ASPHD1: variants seen among roughly 807,000 people sequenced by gnomAD.
ASPHD1 encodes the protein aspartate beta-hydroxylase domain-containing protein 1.
In ASPHD1, 20 loss-of-function variants were observed where a neutral mutation model predicts 28.3. That is an observed-to-expected ratio of 0.71 (90% CI 0.50 to 1.03). The LOEUF is 1.03. ASPHD1 is among the 50% of genes least tolerant of loss of function. The pLI is 0.00. For synonymous variants in ASPHD1, 240 were observed against 221.2 expected, an observed-to-expected ratio of 1.08 and a Z score of -0.75; for missense variants, 479 against 524.1, an observed-to-expected ratio of 0.91 and a Z score of 0.84.
rs1450716930 is a variant in ASPHD1, at chr16:29,901,370, T to TGGGGATCCC, written c.405_413dup (p.Asp135_Gly137dup). ...CCGGCGGGCCAAGCCCAGGGGGTCCTGGGGATCCCGGGGAAGGACCTAGGA... is the reference window on the plus strand; with the variant it reads ...CCGGCGGGCCAAGCCCAGGGGGTCCTGGGGATCCCGGGGATCCCGGGGAAGGACCTAGGA... On this transcript the variant is annotated inframe_insertion, in exon 1 of 3. Coordinates refer to ENST00000308748, the MANE Select transcript of ASPHD1 (RefSeq NM_181718.4). This position sits in a 1 kb window ranked among gnomAD's most constrained non-coding sequence, Gnocchi z 5.1. 1 of 1,593,340 alleles carries TGGGGATCCC rather than the reference T, an allele frequency of 6.3e-7. No individual in the cohort carries two copies. Among genetic ancestry groups the TGGGGATCCC allele is most frequent in the Admixed American group, 1.8e-5 (1 of 56,490 alleles).
In ASPHD1 at chr16:29,906,007, T is replaced by TG; in HGVS notation, c.*113dup. ...TGCGGGGGTGGGCGGGGGCGGAGGA[T>TG]GGGAACTGGCTAGTGAGCACTGAAA... is the stretch of plus-strand genomic sequence containing the variant. On this transcript the variant is annotated 3_prime_UTR_variant, in exon 3 of 3. Transcript: ENST00000308748. 4.1e-6 allele frequency: 2 copies of TG among 488,886 alleles called. No individual in the cohort carries two copies. Among genetic ancestry groups the TG allele is most frequent in the Non-Finnish European group, 7.5e-6 (2 of 266,804 alleles). 30.3% of individuals were successfully genotyped at this position (488,886 alleles called of 1,614,324 possible). A position where few individuals can be genotyped will look rare whatever the true frequency, so the allele number is the denominator to read the frequency against.
In ASPHD1 at chr16:29,901,745, C is replaced by T. The variant is rs2068551885; in HGVS notation, c.774C>T (p.Gly258=). 2 of 1,552,618 alleles carry T rather than the reference C, an allele frequency of 1.3e-6. No homozygotes were observed. The highest frequency in any genetic ancestry group is 2.4e-5 in the South Asian group (2 of 82,346). Residue 258 remains glycine, a synonymous_variant, in exon 1 of 3, where the codon GGC becomes GGT. Transcript: ENST00000308748. This position sits in a 1 kb window ranked among gnomAD's most constrained non-coding sequence, Gnocchi z 5.1. ...GCYQLLLYQA[G]RCQPSNCRRC... is the part of the protein sequence containing the mutation. ...ACCAGCTCCTGCTGTACCAAGCAGGCCGGTGCCAACCCAGCAACTGCCGCC... is the reference window on the plus strand; with the variant it reads ...ACCAGCTCCTGCTGTACCAAGCAGGTCGGTGCCAACCCAGCAACTGCCGCC...
Position 29,901,931 on chromosome 16 carries a change from G to A in ASPHD1, c.949+11G>A. 1 of 1,462,644 alleles carries A rather than the reference G, an allele frequency of 6.8e-7. No homozygotes were observed. The highest frequency in any genetic ancestry group is 1.4e-5 in the South Asian group (1 of 69,318). The allele number at this position is 1,462,644 out of a possible 1,614,324, so 90.6% of individuals were successfully genotyped here. Reference sequence around the variant, plus strand: ...TCAGATGCCATCTGGGTAAGTAGCTGCCGCCTACTGACAACCTCCTTGCCT... The same window carrying A: ...TCAGATGCCATCTGGGTAAGTAGCTACCGCCTACTGACAACCTCCTTGCCT... On this transcript the variant is annotated intron_variant, in intron 1 of 2. Coordinates refer to ENST00000308748, the MANE Select transcript of ASPHD1 (RefSeq NM_181718.4). The surrounding 1 kb of genome is among the most constrained non-coding windows in gnomAD (Gnocchi z 5.1).
chr16:29,910,825 T>C (rs961891614), downstream of ASPHD1, among the ~76,000 whole-genome samples: 2 of 152,068 alleles, frequency 1.3e-5, no homozygotes, highest in African/African-American at 4.8e-5. Flanking sequence ...CCCACAGGGA[T>C]AGGGTGGCTT....
In ASPHD1 at chr16:29,901,966, C is replaced by G. The variant is rs750414115; in HGVS notation, c.949+46C>G. On this transcript the variant is annotated intron_variant, in intron 1 of 2. Coordinates refer to ENST00000308748, the MANE Select transcript of ASPHD1 (RefSeq NM_181718.4). This position sits in a 1 kb window ranked among gnomAD's most constrained non-coding sequence, Gnocchi z 5.1. Reference sequence around the variant, plus strand: ...GACAACCTCCTTGCCTCGATGATTTCCCCCCCAGACCCTTCTCTCCGCCAG... The same window carrying G: ...GACAACCTCCTTGCCTCGATGATTTGCCCCCCAGACCCTTCTCTCCGCCAG... 4 of 1,352,044 alleles carry G rather than the reference C, an allele frequency of 3.0e-6. No homozygotes were observed. In the African/African-American group the frequency reaches 6.1e-5, roughly 20 times the overall value. The allele number at this position is 1,352,044 out of a possible 1,614,324, so 83.8% of individuals were successfully genotyped here. A position where few individuals can be genotyped will look rare whatever the true frequency, so the allele number is the denominator to read the frequency against.
chr16:29,909,265 A>T (rs1373385067), downstream of ASPHD1, among the ~76,000 whole-genome samples: 4 of 152,170 alleles, frequency 2.6e-5, no homozygotes, highest in Admixed American at 6.6e-5. Context: ...GCTGGATTGA[A>T]AGTTCATGAG....
At chr16:29,902,135 C>T (rs920361007) in intron 1 of ASPHD1, among the ~76,000 whole-genome samples, 9 of 152,182 alleles carry the variant, frequency 5.9e-5, no homozygotes, top group Non-Finnish European at 5.9e-5. Flanking sequence ...TACTGCGTTT[C>T]TTCACCTTGG....
chr16:29,909,688 C>CTT (rs760949977), downstream of ASPHD1, among the ~76,000 whole-genome samples: 2 of 142,958 alleles, frequency 1.4e-5, no homozygotes. Flanking sequence ...CTGAGTTTCC[C>CTT]TTTTTTTTTT....
At position 29,901,062 on chromosome 16, in the gene ASPHD1, C is replaced by T; in HGVS notation, c.91C>T (p.Pro31Ser). The change falls in exon 1 of 3, where the codon CCA becomes TCA. Residue 31 changes from proline (P) to serine (S), a missense_variant. By Grantham distance (74) the Pro-to-Ser change is moderately conservative (BLOSUM62 -1). Transcript: ENST00000308748. This position sits in a 1 kb window ranked among gnomAD's most constrained non-coding sequence, Gnocchi z 5.1. ...AQSGMWKGNS[P>S]AGSQGAAMEG... The stretch of plus-strand genomic sequence containing the variant: ...GAGTGGAATGTGGAAGGGAAACAGT[C>T]CAGCGGGGAGCCAGGGGGCAGCCAT... 1 of 1,606,860 alleles carries T rather than the reference C, an allele frequency of 6.2e-7. No individual in the cohort carries two copies.
At chr16:29,908,394 T>C (rs996115459), downstream of ASPHD1, among the ~76,000 whole-genome samples, 1 of 152,090 alleles carries the variant, frequency 6.6e-6, no homozygotes, top group Admixed American at 6.6e-5. Flanking sequence ...TTATTTTTTA[T>C]TTTTTCCTGA....
downstream of ASPHD1, chr16:29,906,084 G>A (rs2068607841): frequency 2.0e-6 from 1 of 492,310 alleles, no homozygotes; most frequent in African/African-American, 2.0e-5. Context: ...CGCAGGGAGA[G>A]GCTGGGGCAG....
intron 1 of ASPHD1, among the ~76,000 whole-genome samples, chr16:29,902,480 T>C (rs1320161340): frequency 6.6e-6 from 1 of 152,246 alleles, no homozygotes; most frequent in East Asian, 1.9e-4. Flanking sequence ...ACATTCTAGT[T>C]AAGTGCTCTA....
chr16:29,905,676 A>T, intron 2 of ASPHD1, 112 bp from the exon 3 acceptor site: 1 of 521,800 alleles, frequency 1.9e-6, no homozygotes, highest in South Asian at 2.4e-5. Context: ...TTAAAGGGTT[A>T]GAACAAGGCC....
At chr16:29,911,790 C>T (rs745915874) in intron 3 of ASPHD1, 3 of 1,611,644 alleles carry the variant, frequency 1.9e-6, no homozygotes, top group East Asian at 4.5e-5. Context: ...GGGTCCCGCC[C>T]AGTGCCCCGC....
At chr16:29,906,750 T>C, downstream of ASPHD1, 1 of 775,350 alleles carries the variant, frequency 1.3e-6, no homozygotes, top group East Asian at 2.7e-5. Flanking sequence ...TGCCATGCAA[T>C]GAAGGGACAG....
At chr16:29,904,378 G>A (rs1034346134) in intron 1 of ASPHD1, among the ~76,000 whole-genome samples, 3 of 151,526 alleles carry the variant, frequency 2.0e-5, no homozygotes, top group Non-Finnish European at 4.4e-5. Context: ...CCTGGGAGGC[G>A]GAGGTTGCAG....
intron 3 of ASPHD1, chr16:29,912,158 C>T (rs986871090): frequency 1.1e-5 from 8 of 738,888 alleles, no homozygotes; most frequent in African/African-American, 7.1e-5. Context: ...CTCAGTGGTC[C>T]GCAGGGCTCT....
Position 29,905,004 on chromosome 16 carries a change from C to T in ASPHD1, c.1063+39C>T. 2.0e-6 allele frequency: 3 copies of T among 1,499,278 alleles called. No individual in the cohort carries two copies. The South Asian group carries it at 3.4e-5, about 17-fold the overall frequency. The allele number at this position is 1,499,278 out of a possible 1,614,324, so 92.9% of individuals were successfully genotyped here. A position where few individuals can be genotyped will look rare whatever the true frequency, so the allele number is the denominator to read the frequency against. On this transcript the variant is annotated intron_variant, in intron 2 of 2. Coordinates refer to ENST00000308748, the MANE Select transcript of ASPHD1 (RefSeq NM_181718.4). ...CATTCTGCAGGGGGGATGAGGGACT[C>T]AGGAGCAAAGGAGCGTTGACTAGAA...
downstream of ASPHD1, among the ~76,000 whole-genome samples, chr16:29,908,925 C>A (rs1348152236): frequency 6.6e-6 from 1 of 151,806 alleles, no homozygotes; most frequent in African/African-American, 2.4e-5. Flanking sequence ...AAACTCCTGG[C>A]CTTAATGGTC....
Sources: gnomAD v4.1 joint callset for allele counts (sites outside exome capture counted in the v4.1 genomes callset) on GRCh38, gnomAD v4.1.1 for gene constraint, Gnocchi (gnomAD v3.1) non-coding constraint, MANE v1.5 for transcripts, NCBI Gene and HGNC (gene_info 2026-07-23, HGNC 2026-07-21) for gene names.